Variants in KCNK5 observed in about 807,000 individuals in gnomAD.
KCNK5 encodes the protein potassium two pore domain channel subfamily K member 5.
A neutral mutation model predicts 32.9 loss-of-function variants in KCNK5; 18 were observed. That is an observed-to-expected ratio of 0.55 (90% CI 0.38 to 0.81). The LOEUF (loss-of-function observed/expected upper bound fraction) is 0.81, where lower values mean the gene tolerates loss of function less well. Ranked by LOEUF, KCNK5 falls within the 30% of genes least tolerant of loss-of-function variation. KCNK5 has a pLI of 0.00. For synonymous variants in KCNK5, 276 were observed against 275.3 expected (o/e 1.00, Z -0.03); for missense variants, 507 against 651.0 (o/e 0.78, Z 2.41).
intron 1 of KCNK5, among the ~76,000 whole-genome samples, chr6:39,220,383 A>T (rs2113797409): frequency 6.6e-6 from 1 of 152,308 alleles, no homozygotes; most frequent in African/African-American, 2.4e-5. Context: ...TTTCAAAGCC[A>T]ATCAAAGATG....
chr6:39,192,063 G>C (rs1253524656), intron 4 of KCNK5, among the ~76,000 whole-genome samples: 1 of 152,028 alleles, frequency 6.6e-6, no homozygotes, highest in African/African-American at 2.4e-5. Flanking sequence ...GGAGGTCAAG[G>C]CAGGTGGATC....
intron 1 of KCNK5, among the ~76,000 whole-genome samples, chr6:39,207,795 G>A (rs934321437): frequency 4.6e-5 from 7 of 152,088 alleles, no homozygotes; most frequent in African/African-American, 1.7e-4. Context: ...CCTTGTGGCT[G>A]CCAGTCCTGT....
At chr6:39,213,847 A>G (rs141436920) in intron 1 of KCNK5, among the ~76,000 whole-genome samples, 4 of 152,180 alleles carry the variant, frequency 2.6e-5, no homozygotes, top group Admixed American at 1.3e-4. Flanking sequence ...CAACATAGTG[A>G]AACCCCGTTT....
chr6:39,210,334 C>G (rs1771309829), intron 1 of KCNK5, among the ~76,000 whole-genome samples: 1 of 152,138 alleles, frequency 6.6e-6, no homozygotes, highest in Admixed American at 6.5e-5. Flanking sequence ...AGGCTCCTGG[C>G]TACTTCCCAG....
At chr6:39,219,905 C>T (rs1355964887) in intron 1 of KCNK5, among the ~76,000 whole-genome samples, 1 of 152,200 alleles carries the variant, frequency 6.6e-6, no homozygotes, top group Non-Finnish European at 1.5e-5. Flanking sequence ...GCACTCCAAG[C>T]CTTTCTGAAT....
At chr6:39,213,702 T>G (rs898509374) in intron 1 of KCNK5, among the ~76,000 whole-genome samples, 1 of 152,140 alleles carries the variant, frequency 6.6e-6, no homozygotes, top group Non-Finnish European at 1.5e-5. Flanking sequence ...TTAAGATGTG[T>G]ACACAGGCTG....
chr6:39,191,378 G>A lies in KCNK5; in HGVS notation c.1012C>T (p.Pro338Ser), dbSNP rs768529139. The A allele has an allele frequency of 6.2e-7, 1 of 1,613,434 alleles. No individual in the cohort carries two copies. Among genetic ancestry groups the A allele is most frequent in the African/African-American group, 1.3e-5 (1 of 75,044 alleles). The change falls in exon 5 of 5, where the codon CCC becomes TCC. Residue 338 changes from proline to serine, a missense_variant. Transcript: ENST00000359534. This position sits in a 1 kb window ranked among gnomAD's most constrained non-coding sequence, Gnocchi z 5.8. ...ACTACCAGGGGCACCAGGGAAGGGG[G>A]CAGTGCTGGGAGCCCACCGCCTTGA... ...GPQGGGLPAL[P>S]PSLVPLVVYS... is the part of the protein sequence containing the mutation.
At chr6:39,192,283 C>CAAAAAAAAAAAA (rs1226626372) in intron 4 of KCNK5, among the ~76,000 whole-genome samples, 1 of 46,716 alleles carries the variant, frequency 2.1e-5, no homozygotes, top group Non-Finnish European at 3.4e-5. Context: ...GACTCCGTCT[C>CAAAAAAAAAAAA]AAAAAAAAAA....
intron 1 of KCNK5, among the ~76,000 whole-genome samples, chr6:39,212,591 C>T (rs540000412): frequency 5.3e-5 from 8 of 152,326 alleles, no homozygotes; most frequent in African/African-American, 1.4e-4. Context: ...TGGGCCCCCA[C>T]GGGACCGGGT....
At chr6:39,195,298 G>A (rs1771009930) in intron 2 of KCNK5, among the ~76,000 whole-genome samples, 1 of 152,228 alleles carries the variant, frequency 6.6e-6, no homozygotes, top group Non-Finnish European at 1.5e-5. Context: ...CGGAGGCCTT[G>A]TGTTTTCATC....
chr6:39,202,567 G>A (rs1771148312), intron 1 of KCNK5, among the ~76,000 whole-genome samples: 1 of 152,206 alleles, frequency 6.6e-6, no homozygotes, highest in South Asian at 2.1e-4. Flanking sequence ...AGGTGACTGG[G>A]ACTGTCCTTC....
intron 1 of KCNK5, among the ~76,000 whole-genome samples, chr6:39,208,062 C>T (rs72851829): frequency 0.091 from 13,864 of 152,184 alleles, 805 homozygotes; most frequent in South Asian, 0.18. Flanking sequence ...ACCTGCTCTT[C>T]CCTCCTCCCT....
intron 1 of KCNK5, among the ~76,000 whole-genome samples, chr6:39,208,838 C>T (rs1227859450): frequency 2.0e-5 from 3 of 152,228 alleles, no homozygotes; most frequent in Non-Finnish European, 4.4e-5. Context: ...GCCTATAATC[C>T]CAGCACTTTG....
chr6:39,204,314 C>T (rs1023736929), intron 1 of KCNK5, among the ~76,000 whole-genome samples: 1 of 152,252 alleles, frequency 6.6e-6, no homozygotes, highest in East Asian at 1.9e-4. Context: ...CAGCTCAGCT[C>T]TGCCAGTACT....
At chr6:39,224,072 A>G (rs1376318507) in intron 1 of KCNK5, among the ~76,000 whole-genome samples, 1 of 137,802 alleles carries the variant, frequency 7.3e-6, no homozygotes, top group Non-Finnish European at 1.5e-5. Flanking sequence ...GCAGTTAACT[A>G]AGGCAGACTA....
chr6:39,213,147 C>T lies in KCNK5; in HGVS notation c.186+15779G>A, dbSNP rs368526267. Among the ~76,000 whole-genome samples the T allele has an allele frequency of 1.6e-3, 247 of 152,294 alleles. No individual in the cohort carries two copies. In the Middle Eastern group the frequency reaches 0.024, roughly 15 times the overall value. On this transcript the variant is annotated intron_variant, in intron 1 of 4. Coordinates refer to ENST00000359534, the MANE Select transcript of KCNK5 (RefSeq NM_003740.4). ...TGATTACAAAAGTGATACTGGTTTTCAGAGTATGTTCTGCTAAAACCAGAT... is the reference window on the plus strand; with the variant it reads ...TGATTACAAAAGTGATACTGGTTTTTAGAGTATGTTCTGCTAAAACCAGAT...
At position 39,190,775 on chromosome 6, in the gene KCNK5, C is replaced by G. The variant is rs1361247642; in HGVS notation, c.*115G>C. The G allele has an allele frequency of 9.1e-7, 1 of 1,094,316 alleles. No individual in the cohort carries two copies. Among genetic ancestry groups the G allele is most frequent in the East Asian group, 2.7e-5 (1 of 36,890 alleles). The allele number at this position is 1,094,316 out of a possible 1,614,324, so 67.8% of individuals were successfully genotyped here. ...GGTTAGGAAGGCCCCTGGCCCCCCA[C>G]TCCCAGTTCCGAGGCTGCCCCCCCA... On this transcript the variant is annotated 3_prime_UTR_variant, in exon 5 of 5. Transcript: ENST00000359534.
At chr6:39,212,187 G>C (rs999403113) in intron 1 of KCNK5, among the ~76,000 whole-genome samples, 3 of 152,142 alleles carry the variant, frequency 2.0e-5, no homozygotes, top group Non-Finnish European at 2.9e-5. Context: ...TACTCAGGAG[G>C]CTTGAGGCAG....
At chr6:39,217,056 G>T (rs547525733) in intron 1 of KCNK5, among the ~76,000 whole-genome samples, 1 of 144,146 alleles carries the variant, frequency 6.9e-6, no homozygotes, top group African/African-American at 2.5e-5. Context: ...GGAGGCGGAG[G>T]TTGCAGTGAG....
Sources: gnomAD v4.1 joint callset for allele counts (sites outside exome capture counted in the v4.1 genomes callset) on GRCh38, gnomAD v4.1.1 for gene constraint, Gnocchi (gnomAD v3.1) non-coding constraint, MANE v1.5 for transcripts, NCBI Gene and HGNC (gene_info 2026-07-23, HGNC 2026-07-21) for gene names.